Variants in SLC30A9 observed in about 807,000 individuals in gnomAD.
SLC30A9 encodes the protein proton-coupled zinc antiporter SLC30A9, mitochondrial.
Under a neutral mutation model 87.5 loss-of-function variants are expected in SLC30A9, and 58 were observed. That is an observed-to-expected ratio of 0.66 (90% CI 0.54 to 0.82). SLC30A9 has a LOEUF of 0.82. Among genes scored for constraint, SLC30A9 ranks in the 40% least tolerant of loss-of-function variants. The pLI is 0.00. For synonymous variants in SLC30A9, 234 were observed against 233.0 expected (o/e 1.00, Z -0.04); for missense variants, 557 against 679.1 (o/e 0.82, Z 2.00).
At chr4:41,995,933 C>T (rs1346417667) in intron 1 of SLC30A9, among the ~76,000 whole-genome samples, 1 of 152,200 alleles carries the variant, frequency 6.6e-6, no homozygotes, top group Non-Finnish European at 1.5e-5. Context: ...TGGTCTCAAA[C>T]TCCTGAGCTC....
chr4:42,040,133 A>G (rs991884793), intron 8 of SLC30A9, among the ~76,000 whole-genome samples: 2 of 152,176 alleles, frequency 1.3e-5, no homozygotes, highest in African/African-American at 4.8e-5. Flanking sequence ...TAAATAATGT[A>G]CCATTCACTG....
chr4:41,990,893 C>T, intron 1 of SLC30A9, 133 bp downstream of exon 1: 4 of 674,852 alleles, frequency 5.9e-6, no homozygotes, highest in African/African-American at 1.8e-5. Flanking sequence ...TGGCCTCCGC[C>T]TTTCCAGTTC....
intron 9 of SLC30A9, among the ~76,000 whole-genome samples, chr4:42,050,973 T>G (rs1717361327): frequency 6.6e-6 from 1 of 152,144 alleles, no homozygotes; most frequent in Non-Finnish European, 1.5e-5. Context: ...GCTATAGAAG[T>G]CTACATAGGG....
chr4:42,017,148 G>A (rs1011632321), intron 2 of SLC30A9, among the ~76,000 whole-genome samples: 2 of 152,180 alleles, frequency 1.3e-5, no homozygotes, highest in African/African-American at 4.8e-5. Flanking sequence ...TTATAAAATA[G>A]CATCTTATGA....
rs1718965306 is a variant in SLC30A9, at chr4:42,087,545, A to T, written c.*1419A>T. The T allele has an allele frequency of 6.6e-6, 1 of 151,974 alleles. No homozygotes were observed. The highest frequency in any genetic ancestry group is 1.5e-5 in the Non-Finnish European group (1 of 67,980). The allele number at this position is 151,974 out of a possible 1,614,324, so 9.4% of individuals were successfully genotyped here. ...GGTTTGTAATGGTGATTTTTGACCC[A>T]GAAATCTCATTTACTGGAAAATTGT... is the stretch of plus-strand genomic sequence containing the variant. On this transcript the variant is annotated 3_prime_UTR_variant, in exon 18 of 18. Coordinates refer to ENST00000264451, the MANE Select transcript of SLC30A9 (RefSeq NM_006345.4).
chr4:42,084,990 G>T (rs1395146098), intron 17 of SLC30A9, among the ~76,000 whole-genome samples: 2 of 152,196 alleles, frequency 1.3e-5, no homozygotes, highest in East Asian at 1.9e-4. Flanking sequence ...AGTATTGGTT[G>T]TTATTGAATT....
At chr4:41,996,309 T>C (rs965904878) in intron 1 of SLC30A9, among the ~76,000 whole-genome samples, 3 of 151,830 alleles carry the variant, frequency 2.0e-5, no homozygotes, top group African/African-American at 7.3e-5. Context: ...TTGGTCAGGC[T>C]GGTCTCAAAC....
At chr4:42,007,797 C>T (rs1376400104) in intron 2 of SLC30A9, among the ~76,000 whole-genome samples, 10 of 129,560 alleles carry the variant, frequency 7.7e-5, no homozygotes, top group Admixed American at 1.7e-4. Flanking sequence ...CAACTACTAT[C>T]CTACTTCAAG....
At chr4:42,026,158 T>G (rs11721454) in intron 6 of SLC30A9, among the ~76,000 whole-genome samples, 98,090 of 151,838 alleles carry the variant, frequency 0.65, 35,855 homozygotes, top group East Asian at 0.96. Flanking sequence ...TAAAGAGGAC[T>G]GCACTTAAAT....
At chr4:42,074,869 A>G (rs1352013992) in intron 15 of SLC30A9, among the ~76,000 whole-genome samples, 1 of 151,654 alleles carries the variant, frequency 6.6e-6, no homozygotes, top group East Asian at 1.9e-4. Context: ...TAAAGAAGCT[A>G]GTGAACATAC....
intron 6 of SLC30A9, among the ~76,000 whole-genome samples, chr4:42,033,914 G>T (rs1166051743): frequency 6.6e-6 from 1 of 152,118 alleles, no homozygotes; most frequent in African/African-American, 2.4e-5. Context: ...TGAGGACTAT[G>T]CTATAGCGGT....
At chr4:42,022,515 A>G (rs1716014754) in intron 4 of SLC30A9, among the ~76,000 whole-genome samples, 1 of 151,952 alleles carries the variant, frequency 6.6e-6, no homozygotes, top group Non-Finnish European at 1.5e-5. Context: ...GCATTACCTA[A>G]CTTTTCACTT....
chr4:42,058,243 G>A (rs1717704555), intron 9 of SLC30A9, among the ~76,000 whole-genome samples: 1 of 152,100 alleles, frequency 6.6e-6, no homozygotes, highest in Admixed American at 6.5e-5. Context: ...TAGGGCAGGG[G>A]CAAAATGCTA....
intron 15 of SLC30A9, 55 bp downstream of exon 15, chr4:42,070,746 G>A (rs1718282415): frequency 7.0e-7 from 1 of 1,438,514 alleles, no homozygotes; most frequent in African/African-American, 1.4e-5. Flanking sequence ...TTAAAAAACA[G>A]AAATGCCTGG....
chr4:42,032,683 T>C (rs780759298), intron 6 of SLC30A9, among the ~76,000 whole-genome samples: 3 of 152,098 alleles, frequency 2.0e-5, no homozygotes, highest in African/African-American at 4.8e-5. Context: ...GAAGAAGATA[T>C]GCAAGGAAAG....
chr4:42,052,294 G>A (rs1036642350), intron 9 of SLC30A9, among the ~76,000 whole-genome samples: 7 of 152,110 alleles, frequency 4.6e-5, no homozygotes, highest in Admixed American at 6.5e-5. Context: ...ATACAATACC[G>A]CGTTCATAGA....
chr4:42,083,216 T>C (rs1365878466), intron 17 of SLC30A9, among the ~76,000 whole-genome samples: 2 of 152,242 alleles, frequency 1.3e-5, no homozygotes, highest in African/African-American at 4.8e-5. Flanking sequence ...GCATTGTTTT[T>C]AATGAATCTG....
At chr4:42,084,469 T>C (rs545907829) in intron 17 of SLC30A9, among the ~76,000 whole-genome samples, 3 of 151,334 alleles carry the variant, frequency 2.0e-5, no homozygotes, top group African/African-American at 7.3e-5. Context: ...TTTTATTTTA[T>C]TTTTTATTTT....
At chr4:42,054,110 A>T (rs1269352859) in intron 9 of SLC30A9, among the ~76,000 whole-genome samples, 5 of 151,960 alleles carry the variant, frequency 3.3e-5, no homozygotes, top group Admixed American at 2.6e-4. Flanking sequence ...ATTCCAGCAC[A>T]TTGGGAGGCC....
Sources: allele counts gnomAD v4.1 joint callset (sites outside exome capture counted in the v4.1 genomes callset), GRCh38; gene constraint gnomAD v4.1.1; transcripts MANE v1.5; gene names NCBI Gene and HGNC (gene_info 2026-07-23, HGNC 2026-07-21).